ASAP1: variants seen among roughly 807,000 people sequenced by gnomAD.
ASAP1 encodes ArfGAP with SH3 domain, ankyrin repeat and PH domain 1.
A neutral mutation model predicts 145.2 loss-of-function variants in ASAP1; 43 were observed. The observed-to-expected ratio is 0.30, with a 90% CI of 0.23 to 0.38. The LOEUF (loss-of-function observed/expected upper bound fraction) is 0.38. Among genes scored for constraint, ASAP1 ranks in the 10% least tolerant of loss-of-function variants. ASAP1 has a pLI of 1.00. For missense variants in ASAP1, 1,018 were observed against 1,355.3 expected (o/e 0.75, Z 3.91); for synonymous variants, 546 against 515.5 (o/e 1.06, Z -0.80).
chr8:130,261,597 A>T (rs1819902038), intron 3 of ASAP1, among the ~76,000 whole-genome samples: 1 of 152,134 alleles, frequency 6.6e-6, no homozygotes, highest in Non-Finnish European at 1.5e-5. Flanking sequence ...CTCATACAAG[A>T]GATACCTAAC....
chr8:130,264,075 A>C (rs1820100603), intron 3 of ASAP1, among the ~76,000 whole-genome samples: 1 of 152,252 alleles, frequency 6.6e-6, no homozygotes, highest in Admixed American at 6.5e-5. Context: ...GATGGACAGG[A>C]CATGGTGTGG....
intron 3 of ASAP1, among the ~76,000 whole-genome samples, chr8:130,327,493 T>C (rs1824411490): frequency 6.6e-6 from 1 of 152,220 alleles, no homozygotes; most frequent in South Asian, 2.1e-4. Context: ...GAAGATTTTA[T>C]GTTACTTCTT....
intron 3 of ASAP1, among the ~76,000 whole-genome samples, chr8:130,300,171 G>C (rs1822564812): frequency 2.0e-5 from 3 of 146,998 alleles, no homozygotes; most frequent in African/African-American, 5.1e-5. Flanking sequence ...GAGAGAGAGA[G>C]AGAGAGAGAG....
intron 16 of ASAP1, 96 bp from the exon 17 acceptor site, chr8:130,126,185 A>T: frequency 8.7e-7 from 1 of 1,147,496 alleles, no homozygotes; most frequent in Non-Finnish European, 1.2e-6. Flanking sequence ...CAAATTGTTA[A>T]GAACTATGAA....
chr8:130,385,986 T>C (rs1231976141), intron 2 of ASAP1, among the ~76,000 whole-genome samples: 1 of 152,158 alleles, frequency 6.6e-6, no homozygotes, highest in African/African-American at 2.4e-5. Flanking sequence ...CATGGCCTTG[T>C]CCACAGTGAC....
chr8:130,096,002 C>G (rs2097517017), intron 24 of ASAP1, among the ~76,000 whole-genome samples: 1 of 152,144 alleles, frequency 6.6e-6, no homozygotes, highest in Admixed American at 6.5e-5. Context: ...CAGGAGGGAA[C>G]AGTGTTAAGT....
At chr8:130,349,738 G>C (rs989108580) in intron 3 of ASAP1, among the ~76,000 whole-genome samples, 1 of 152,198 alleles carries the variant, frequency 6.6e-6, no homozygotes, top group Non-Finnish European at 1.5e-5. Flanking sequence ...GGAGAGCTGA[G>C]TAGTCAGACC....
intron 2 of ASAP1, among the ~76,000 whole-genome samples, chr8:130,401,353 C>T (rs547943399): frequency 6.6e-6 from 1 of 152,188 alleles, no homozygotes; most frequent in South Asian, 2.1e-4. Flanking sequence ...TCAAGCAATT[C>T]CACTGCCTCA....
rs569550242 is a variant in ASAP1 at position 130,289,928 on chromosome 8, A to C, written c.187-52934T>G. On this transcript the variant is annotated intron_variant, in intron 3 of 29. Coordinates refer to ENST00000518721, the MANE Select transcript of ASAP1 (RefSeq NM_018482.4). ...TAGCTTCTAAAAGCCTCATGAAACAAAATTTCATGTCAAAACTCTTAACAT... is the reference window on the plus strand; with the variant it reads ...TAGCTTCTAAAAGCCTCATGAAACACAATTTCATGTCAAAACTCTTAACAT... Among the ~76,000 whole-genome samples, 12 of 152,368 alleles carry C rather than the reference A, an allele frequency of 7.9e-5. No homozygotes were observed. The East Asian group carries it at 2.1e-3, about 27-fold the overall frequency.
At chr8:130,164,059 T>C (rs79608680) in intron 11 of ASAP1, among the ~76,000 whole-genome samples, 2 of 152,192 alleles carry the variant, frequency 1.3e-5, no homozygotes, top group Non-Finnish European at 2.9e-5. Context: ...AAGGTATCAA[T>C]GGAGTGGGCA....
intron 13 of ASAP1, among the ~76,000 whole-genome samples, chr8:130,145,554 T>C (rs1308693087): frequency 6.6e-6 from 1 of 152,142 alleles, no homozygotes; most frequent in African/African-American, 2.4e-5. Flanking sequence ...CATGACCTCA[T>C]GAATGGCTGA....
intron 3 of ASAP1, among the ~76,000 whole-genome samples, chr8:130,343,702 A>C (rs946625327): frequency 6.6e-6 from 1 of 152,242 alleles, no homozygotes; most frequent in Admixed American, 6.5e-5. Flanking sequence ...ACAAATATTC[A>C]CCGCTCCAAG....
At chr8:130,442,527 C>T (rs907169877) in intron 1 of ASAP1, among the ~76,000 whole-genome samples, 5 of 152,186 alleles carry the variant, frequency 3.3e-5, no homozygotes, top group Non-Finnish European at 7.3e-5. Flanking sequence ...CTTTTACAAT[C>T]CCAAAACATT....
chr8:130,334,922 T>A (rs1207749513), intron 3 of ASAP1, among the ~76,000 whole-genome samples: 1 of 152,190 alleles, frequency 6.6e-6, no homozygotes, highest in South Asian at 2.1e-4. Flanking sequence ...TCCAAATACA[T>A]ATCAGACCTC....
At chr8:130,368,905 T>C (rs1229738436) in intron 2 of ASAP1, among the ~76,000 whole-genome samples, 1 of 152,230 alleles carries the variant, frequency 6.6e-6, no homozygotes, top group African/African-American at 2.4e-5. Flanking sequence ...TAAGCTAGTC[T>C]GAGTTGGGTT....
chr8:130,337,177 C>G (rs1825089432), intron 3 of ASAP1, among the ~76,000 whole-genome samples: 1 of 152,090 alleles, frequency 6.6e-6, no homozygotes. Context: ...GAGATTAATT[C>G]AAAAATATTT....
At chr8:130,173,894 A>G (rs771654937) in intron 9 of ASAP1, among the ~76,000 whole-genome samples, 4 of 151,632 alleles carry the variant, frequency 2.6e-5, no homozygotes, top group Non-Finnish European at 5.9e-5. Flanking sequence ...GCAACAAGGT[A>G]AAACCTTGTC....
At chr8:130,196,034 AAAG>A (rs1230181298) in intron 5 of ASAP1, among the ~76,000 whole-genome samples, 1 of 152,242 alleles carries the variant, frequency 6.6e-6, no homozygotes, top group Non-Finnish European at 1.5e-5. Context: ...ATCAGATCCC[AAAG>A]AAGGAATCAA....
intron 23 of ASAP1, among the ~76,000 whole-genome samples, chr8:130,113,727 G>T (rs1227601863): frequency 1.3e-5 from 2 of 151,538 alleles, no homozygotes; most frequent in African/African-American, 2.4e-5. Flanking sequence ...AATTCTCTTT[G>T]TAAGTTTTCT....
Sources: allele counts gnomAD v4.1 joint callset (sites outside exome capture counted in the v4.1 genomes callset), GRCh38; gene constraint gnomAD v4.1.1; transcripts MANE v1.5; gene names NCBI Gene and HGNC (gene_info 2026-07-23, HGNC 2026-07-21).